CCBE1: variants seen among roughly 807,000 people sequenced by gnomAD.
CCBE1 encodes collagen and calcium-binding EGF domain-containing protein 1.
A neutral mutation model predicts 50.0 loss-of-function variants in CCBE1; 37 were observed. That is an observed-to-expected ratio of 0.74 (90% confidence interval 0.57 to 0.97). The LOEUF (loss-of-function observed/expected upper bound fraction) is 0.97. CCBE1 is among the 50% of genes least tolerant of loss of function. CCBE1 has a pLI of 0.00. For missense variants in CCBE1, 538 were observed against 523.8 expected (o/e 1.03, Z -0.26); for synonymous variants, 234 against 203.7 (o/e 1.15, Z -1.27).
intron 2 of CCBE1, among the ~76,000 whole-genome samples, chr18:59,497,641 G>A (rs1014101387): frequency 1.2e-4 from 18 of 152,080 alleles, no homozygotes; most frequent in African/African-American, 4.1e-4. Flanking sequence ...TTTGTTATGT[G>A]GTGACAAACA....
At chr18:59,689,292 G>A (rs1319034929) in intron 2 of CCBE1, among the ~76,000 whole-genome samples, 2 of 152,190 alleles carry the variant, frequency 1.3e-5, no homozygotes, top group African/African-American at 4.8e-5. Flanking sequence ...CTCCAGATGA[G>A]GCAAATAGAA....
At position 59,644,123 on chromosome 18, in the gene CCBE1, A is replaced by G. The variant is rs535140954; in HGVS notation, c.212+52506T>C. ...TTGGGATGAAACTGTTCCGCCTTAG[A>G]TCATGAGGCATTTATTAGATTCTCA... On this transcript the variant is annotated intron_variant, in intron 2 of 10. Transcript: ENST00000439986. 3.9e-5 allele frequency among the ~76,000 whole-genome samples: 6 copies of G among 152,266 alleles called. No homozygotes were observed. The South Asian group carries it at 6.2e-4, about 16-fold the overall frequency.
intron 2 of CCBE1, among the ~76,000 whole-genome samples, chr18:59,481,210 C>A (rs1912554958): frequency 2.0e-5 from 3 of 152,018 alleles, no homozygotes; most frequent in South Asian, 4.2e-4. Flanking sequence ...GCTGGATGTG[C>A]TTAGCAGAAG....
intron 2 of CCBE1, among the ~76,000 whole-genome samples, chr18:59,591,232 C>T (rs1347002056): frequency 4.9e-5 from 1 of 20,396 alleles, no homozygotes; most frequent in African/African-American, 7.2e-4. Context: ...GGCCACAGAG[C>T]GAGACTCCGT....
At chr18:59,486,154 T>C (rs1912816698) in intron 2 of CCBE1, among the ~76,000 whole-genome samples, 1 of 152,184 alleles carries the variant, frequency 6.6e-6, no homozygotes, top group Non-Finnish European at 1.5e-5. Flanking sequence ...GAATAAATAG[T>C]ATCTGCCTTA....
At chr18:59,464,399 G>A (rs537149939) in intron 5 of CCBE1, among the ~76,000 whole-genome samples, 2 of 152,166 alleles carry the variant, frequency 1.3e-5, no homozygotes, top group African/African-American at 4.8e-5. Flanking sequence ...CTGCACTCCA[G>A]CACTCCAGCC....
At chr18:59,626,411 G>A (rs1242610237) in intron 2 of CCBE1, among the ~76,000 whole-genome samples, 2 of 152,184 alleles carry the variant, frequency 1.3e-5, no homozygotes, top group African/African-American at 4.8e-5. Flanking sequence ...GTATTTTCAG[G>A]GGCAGGAGGG....
intron 2 of CCBE1, among the ~76,000 whole-genome samples, chr18:59,557,844 C>G (rs757182802): frequency 2.0e-5 from 3 of 152,194 alleles, no homozygotes; most frequent in Non-Finnish European, 4.4e-5. Flanking sequence ...TTGTCCAATT[C>G]TTTGTTCAAA....
intron 2 of CCBE1, among the ~76,000 whole-genome samples, chr18:59,606,551 C>A (rs1258066012): frequency 6.6e-6 from 1 of 152,128 alleles, no homozygotes; most frequent in Non-Finnish European, 1.5e-5. Context: ...TATGTGACTC[C>A]CTGCATCTTG....
intron 2 of CCBE1, among the ~76,000 whole-genome samples, chr18:59,623,325 C>T (rs9964404): frequency 0.024 from 3,671 of 152,296 alleles, 133 homozygotes; most frequent in African/African-American, 0.084. Flanking sequence ...ATTTTCTCCT[C>T]CCTTAATCAG....
At chr18:59,499,137 G>A (rs1326898646) in intron 2 of CCBE1, among the ~76,000 whole-genome samples, 1 of 152,192 alleles carries the variant, frequency 6.6e-6, no homozygotes, top group African/African-American at 2.4e-5. Flanking sequence ...CTAGGGAACA[G>A]TCAAGCAAGA....
At chr18:59,634,925 TAAG>T (rs1463739959) in intron 2 of CCBE1, among the ~76,000 whole-genome samples, 1 of 152,004 alleles carries the variant, frequency 6.6e-6, no homozygotes, top group Admixed American at 6.6e-5. Flanking sequence ...GGAGATGGAA[TAAG>T]AAGGTTGAAC....
intron 2 of CCBE1, among the ~76,000 whole-genome samples, chr18:59,617,267 T>C (rs1182277301): frequency 2.0e-5 from 3 of 152,246 alleles, no homozygotes; most frequent in African/African-American, 7.2e-5. Context: ...CGTCCCATTA[T>C]TACCTGCAAG....
chr18:59,559,719 G>GT (rs2052707574), intron 2 of CCBE1, among the ~76,000 whole-genome samples: 1 of 152,210 alleles, frequency 6.6e-6, no homozygotes, highest in Non-Finnish European at 1.5e-5. Context: ...GGGCAGAGCT[G>GT]CATTTATTAA....
intron 2 of CCBE1, chr18:59,563,960 G>C (rs1336001878): frequency 2.6e-5 from 4 of 152,160 alleles, no homozygotes; most frequent in African/African-American, 9.7e-5. Context: ...CAGCATAGAC[G>C]TGAGAATAAC....
At chr18:59,459,855 A>T (rs1440971463) in intron 5 of CCBE1, among the ~76,000 whole-genome samples, 1 of 152,204 alleles carries the variant, frequency 6.6e-6, no homozygotes, top group Non-Finnish European at 1.5e-5. Flanking sequence ...CAGCATTTTT[A>T]AAAAAGCTCC....
At chr18:59,595,084 C>T (rs571371209) in intron 2 of CCBE1, among the ~76,000 whole-genome samples, 3 of 147,088 alleles carry the variant, frequency 2.0e-5, no homozygotes, top group African/African-American at 2.6e-5. Flanking sequence ...TAAACTCCAT[C>T]CAGCCTGGCA....
At chr18:59,684,483 A>G (rs534847295) in intron 2 of CCBE1, among the ~76,000 whole-genome samples, 30 of 152,292 alleles carry the variant, frequency 2.0e-4, no homozygotes, top group Admixed American at 1.4e-3. Flanking sequence ...TAATATCCTC[A>G]GTAATAGGTT....
chr18:59,685,621 C>T (rs1375085451), intron 2 of CCBE1, among the ~76,000 whole-genome samples: 1 of 152,194 alleles, frequency 6.6e-6, no homozygotes, highest in East Asian at 1.9e-4. Flanking sequence ...GCCTGGCAAC[C>T]ACCTCCAGAG....
Sources: gnomAD v4.1 joint callset for allele counts (sites outside exome capture counted in the v4.1 genomes callset) on GRCh38, gnomAD v4.1.1 for gene constraint, MANE v1.5 for transcripts, NCBI Gene and HGNC (gene_info 2026-07-23, HGNC 2026-07-21) for gene names.